Variants in CSTPP1 observed in about 807,000 individuals in gnomAD.
CSTPP1 encodes centriolar satellite-associated tubulin polyglutamylase complex regulator 1, also known as UPF0705 protein C11orf49.
At chr11:47,021,853 G>C in the CSTPP1 span, among the ~76,000 whole-genome samples, 1 of 152,042 alleles carries the variant, frequency 6.6e-6, no homozygotes, top group Non-Finnish European at 1.5e-5. Context: ...GTCTCTAAAA[G>C]TCTTTTCTGG....
chr11:47,148,123 TCAGGAAATGGCC>T, the CSTPP1 span, among the ~76,000 whole-genome samples: 10 of 152,228 alleles, frequency 6.6e-5, no homozygotes, highest in East Asian at 7.7e-4. Flanking sequence ...GGAGCAACCC[TCAGGAAATGGCC>T]CAGGACACCT....
chr11:47,101,870 C>T, the CSTPP1 span, among the ~76,000 whole-genome samples: 6 of 152,108 alleles, frequency 3.9e-5, no homozygotes, highest in Admixed American at 6.5e-5. Context: ...TCTAGAAATC[C>T]TCAGAGTGAC....
the CSTPP1 span, among the ~76,000 whole-genome samples, chr11:47,118,502 G>T: frequency 6.6e-6 from 1 of 152,154 alleles, no homozygotes; most frequent in Non-Finnish European, 1.5e-5. Flanking sequence ...TGCTGGTGAG[G>T]AGCTGCGATC....
At chr11:47,115,291 C>T in the CSTPP1 span, among the ~76,000 whole-genome samples, 2 of 152,194 alleles carry the variant, frequency 1.3e-5, no homozygotes, top group East Asian at 3.9e-4. Context: ...CTAAAATTCT[C>T]TTTTTTTGTT....
At chr11:47,040,097 AATCAAAGTTAAC>A in the CSTPP1 span, among the ~76,000 whole-genome samples, 3 of 128,378 alleles carry the variant, frequency 2.3e-5, 1 homozygote, top group Non-Finnish European at 5.6e-5. Flanking sequence ...CTAACTAAAG[AATCAAAGTTAAC>A]ATCCCCAGTA....
chr11:47,034,504 CTTT>C, the CSTPP1 span, among the ~76,000 whole-genome samples: 45 of 144,250 alleles, frequency 3.1e-4, no homozygotes, highest in Non-Finnish European at 3.6e-4. Context: ...TTAAAAGCTT[CTTT>C]TTTTTTTTTT....
the CSTPP1 span, among the ~76,000 whole-genome samples, chr11:47,121,390 T>C: frequency 5.9e-5 from 9 of 152,184 alleles, no homozygotes; most frequent in Admixed American, 2.6e-4. Flanking sequence ...TGGAGACTTA[T>C]TGACATTTAG....
the CSTPP1 span, chr11:47,103,780 T>C: frequency 6.6e-6 from 1 of 151,518 alleles, no homozygotes. Flanking sequence ...GTTCATGCGA[T>C]TCTTGTGCTT....
At chr11:47,071,938 G>A in the CSTPP1 span, among the ~76,000 whole-genome samples, 1 of 152,206 alleles carries the variant, frequency 6.6e-6, no homozygotes. Flanking sequence ...TTGGGTTTGG[G>A]AAGTTGCATG....
chr11:46,995,861 T>C, the CSTPP1 span, among the ~76,000 whole-genome samples: 2 of 152,160 alleles, frequency 1.3e-5, no homozygotes, highest in Admixed American at 6.6e-5. Flanking sequence ...TGATCTGTCA[T>C]ATGTTGACAG....
chr11:47,103,551 CTTA>C, the CSTPP1 span, among the ~76,000 whole-genome samples: 1 of 151,890 alleles, frequency 6.6e-6, no homozygotes, highest in South Asian at 2.1e-4. Context: ...TCTCATATGT[CTTA>C]TTAGTTCTTT....
At chr11:47,157,765 T>A in the CSTPP1 span, 1 of 1,557,206 alleles carries the variant, frequency 6.4e-7, no homozygotes, top group Non-Finnish European at 8.9e-7. Context: ...GATGCAGAGG[T>A]GGCCCTGAGG....
At chr11:47,117,227 C>T in the CSTPP1 span, among the ~76,000 whole-genome samples, 1 of 152,320 alleles carries the variant, frequency 6.6e-6, no homozygotes, top group African/African-American at 2.4e-5. Flanking sequence ...TTCTTCAAAG[C>T]ATCGATGGTC....
chr11:47,083,367 G>T, the CSTPP1 span, among the ~76,000 whole-genome samples: 1 of 152,130 alleles, frequency 6.6e-6, no homozygotes, highest in Non-Finnish European at 1.5e-5. Context: ...ATAGACATTG[G>T]ATTGTTTCCA....
At chr11:47,106,258 TA>T in the CSTPP1 span, among the ~76,000 whole-genome samples, 1 of 152,186 alleles carries the variant, frequency 6.6e-6, no homozygotes, top group Non-Finnish European at 1.5e-5. Flanking sequence ...TACTTTGTCT[TA>T]GGGGTGGGAA....
At chr11:47,158,110 T>G in the CSTPP1 span, 1 of 589,146 alleles carries the variant, frequency 1.7e-6, no homozygotes, top group Non-Finnish European at 3.0e-6. Flanking sequence ...ATTCCCATGG[T>G]AGGGGACAGC....
the CSTPP1 span, chr11:47,161,037 A>G: frequency 6.5e-7 from 1 of 1,539,872 alleles, no homozygotes; most frequent in Non-Finnish European, 9.0e-7. Context: ...TCAGCAGAAC[A>G]GGCAGCCGTG....
the CSTPP1 span, among the ~76,000 whole-genome samples, chr11:47,033,750 T>A: frequency 6.6e-6 from 1 of 152,344 alleles, no homozygotes; most frequent in Admixed American, 6.5e-5. Flanking sequence ...ACTTTCTTGA[T>A]GTTCTATCAG....
chr11:47,160,510 A>C, the CSTPP1 span: 2 of 152,722 alleles, frequency 1.3e-5, no homozygotes. Flanking sequence ...CACCCCACAA[A>C]TGAGAGGGTT....
Sources: allele counts gnomAD v4.1 joint callset (sites outside exome capture counted in the v4.1 genomes callset), GRCh38; gene constraint gnomAD v4.1.1; transcripts MANE v1.5; gene names NCBI Gene and HGNC (gene_info 2026-07-23, HGNC 2026-07-21).